Variants in SLC4A1 observed in about 807,000 individuals in gnomAD.
The protein encoded by SLC4A1 is band 3 anion transport protein.
Under a neutral mutation model 93.1 loss-of-function variants are expected in SLC4A1, and 29 were observed. The observed-to-expected ratio is 0.31, with a 90% CI of 0.23 to 0.42. The LOEUF is 0.42. SLC4A1 is among the 20% of genes least tolerant of loss of function. The pLI is 1.00. For missense variants in SLC4A1, 965 were observed against 1,190.1 expected (o/e 0.81, Z 2.78); for synonymous variants, 469 against 497.2 (o/e 0.94, Z 0.76).
chr17:44,255,654 G>T lies in SLC4A1; in HGVS notation c.1800+19C>A. 2 of 1,612,440 alleles carry T rather than the reference G, an allele frequency of 1.2e-6. No individual in the cohort carries two copies. Among genetic ancestry groups the T allele is most frequent in the Non-Finnish European group, 1.7e-6 (2 of 1,179,258 alleles). On this transcript the variant is annotated intron_variant, in intron 14 of 19. Coordinates refer to ENST00000262418, the MANE Select transcript of SLC4A1 (RefSeq NM_000342.4). ...GATAGGGCAGTGTTGGCAAGGACAG[G>T]CGAGGAGGGTATGCTGACCTTGCCA... is the stretch of plus-strand genomic sequence containing the variant.
chr17:44,259,525 C>T lies in SLC4A1; in HGVS notation c.666G>A (p.Pro222=), dbSNP rs373230727. The T allele has an allele frequency of 4.2e-5, 67 of 1,613,952 alleles. No individual in the cohort carries two copies. The highest frequency in any genetic ancestry group is 1.6e-4 in the Middle Eastern group (1 of 6,084). The change falls in exon 8 of 20, where the codon CCG becomes CCA. Residue 222 remains proline (P), a synonymous_variant. Coordinates refer to ENST00000262418, the MANE Select transcript of SLC4A1 (RefSeq NM_000342.4). The part of the protein sequence containing the change: ...SPSGILEKIP[P]DSEATLVLVG... Reference sequence around the variant, plus strand: ...CTAGCACCAACGTGGCCTCTGAATCCGGGGGAATCTTTTCCAGAATTCCAG... The same window carrying T: ...CTAGCACCAACGTGGCCTCTGAATCTGGGGGAATCTTTTCCAGAATTCCAG...
Position 44,257,503 on chromosome 17 carries a change from C to T in SLC4A1, c.1473G>A (p.Val491=), listed in dbSNP as rs1567832025. The change falls in exon 13 of 20, where the codon GTG becomes GTA. Residue 491 remains valine (V), a synonymous_variant. Transcript: ENST00000262418. ...TNGLEYIVGR[V]WIGFWLILLV... ...GCAGGATGAGCCAGAAGCCGATCCA[C>T]ACGCGGCCCACGATGTACTCTAGAC... The T allele has an allele frequency of 6.2e-7, 1 of 1,614,112 alleles. No homozygotes were observed. Among genetic ancestry groups the T allele is most frequent in the Middle Eastern group, 1.6e-4 (1 of 6,062 alleles).
At chr17:44,262,257 CTT>C (rs1450950422) in intron 3 of SLC4A1, among the ~76,000 whole-genome samples, 1 of 152,152 alleles carries the variant, frequency 6.6e-6, no homozygotes, top group African/African-American at 2.4e-5. Context: ...TTCCTGGTGT[CTT>C]TCTATCTAGG....
At chr17:44,263,824 C>T (rs538904066) in intron 1 of SLC4A1, among the ~76,000 whole-genome samples, 1 of 150,660 alleles carries the variant, frequency 6.6e-6, no homozygotes, top group East Asian at 1.9e-4. Context: ...GCTTAGAGTG[C>T]AGTGGCATGA....
intron 16 of SLC4A1, 39 bp downstream of exon 16, chr17:44,254,457 T>TACCCC: frequency 8.6e-6 from 11 of 1,282,728 alleles, no homozygotes; most frequent in East Asian, 2.5e-5. Context: ...GGTCCCTGCC[T>TACCCC]CCCACCCTCC....
intron 16 of SLC4A1, 53 bp from the exon 17 acceptor site, chr17:44,253,424 C>T: frequency 6.4e-7 from 1 of 1,574,610 alleles, no homozygotes; most frequent in South Asian, 1.1e-5. Context: ...CCTCCTCCAC[C>T]CCCTCCTTCC....
intron 1 of SLC4A1, among the ~76,000 whole-genome samples, chr17:44,265,022 TGAGCACTGGGGGCTGTGGGAGGGGGTGCC>T (rs1567837653): frequency 2.1e-5 from 2 of 96,002 alleles, no homozygotes; most frequent in East Asian, 3.2e-4. Flanking sequence ...GAGGGGGTGC[TGAGCACTGGGGGCTGTGGGAGGGGGTGCC>T]GAGCACTGGG....
In SLC4A1 at chr17:44,254,634, A is replaced by G; in HGVS notation, c.1919T>C (p.Val640Ala). ...QKLSVPDGFK[V>A]SNSSARGWVI... is the part of the protein sequence containing the mutation. ...CCAGCCCCGGGCTGAGGAGTTGGAC[A>G]CCTTGAAGCCATCAGGCACCGAGAG... Residue 640 changes from valine (V) to alanine (A), a missense_variant, in exon 16 of 20, where the codon GTG becomes GCG. Physicochemically the swap from Val to Ala is moderately conservative, Grantham distance 64 (BLOSUM62 0). Coordinates refer to ENST00000262418, the MANE Select transcript of SLC4A1 (RefSeq NM_000342.4). 1 of 1,614,052 alleles carries G rather than the reference A, an allele frequency of 6.2e-7. No individual in the cohort carries two copies. Among genetic ancestry groups the G allele is most frequent in the South Asian group, 1.1e-5 (1 of 91,070 alleles).
intron 1 of SLC4A1, among the ~76,000 whole-genome samples, chr17:44,263,345 C>A (rs1328476693): frequency 6.6e-6 from 1 of 152,180 alleles, no homozygotes; most frequent in Non-Finnish European, 1.5e-5. Context: ...TAAACACATG[C>A]TCTTCTCTCA....
Position 44,249,578 on chromosome 17 carries a change from G to C in SLC4A1, c.*880C>G. ...AGTCCCCTCGGAGTCCACTGATTCC[G>C]GGGCCCTCAGTAAATGTTTGTGGAA... On this transcript the variant is annotated 3_prime_UTR_variant, in exon 20 of 20. Transcript: ENST00000262418. 5.8e-6 allele frequency: 1 copy of C among 173,238 alleles called. No homozygotes were observed. The highest frequency in any genetic ancestry group is 1.2e-5 in the Non-Finnish European group (1 of 84,776). The allele number at this position is 173,238 out of a possible 1,614,324, so 10.7% of individuals were successfully genotyped here.
Position 44,249,079 on chromosome 17 carries a change from C to G in SLC4A1, c.*1379G>C. On this transcript the variant is annotated 3_prime_UTR_variant, in exon 20 of 20. Coordinates refer to ENST00000262418, the MANE Select transcript of SLC4A1 (RefSeq NM_000342.4). ...GTTTCACCATGTTGGCCAGGCTGGTCTCAAACTCCTGACCTCAAATGATCC... is the reference window on the plus strand; with the variant it reads ...GTTTCACCATGTTGGCCAGGCTGGTGTCAAACTCCTGACCTCAAATGATCC... 4.9e-6 allele frequency: 2 copies of G among 407,656 alleles called. No individual in the cohort carries two copies. Among genetic ancestry groups the G allele is most frequent in the Non-Finnish European group, 9.7e-6 (2 of 206,628 alleles). The allele number at this position is 407,656 out of a possible 1,614,324, so 25.3% of individuals were successfully genotyped here. A position where few individuals can be genotyped will look rare whatever the true frequency, so the allele number is the denominator to read the frequency against.
Position 44,260,718 on chromosome 17 carries a change from C to T in SLC4A1, c.266G>A (p.Gly89Glu). ...ARWVQLEENL[G>E]ENGAWGRPHL... is the part of the protein sequence containing the mutation. ...CGGGCGGCCCCAGGCCCCATTCTCC[C>T]CCAGGTTCTCCTCCAGTTGCACCCA... The change falls in exon 5 of 20, where the codon GGG becomes GAG. Residue 89 changes from glycine to glutamate, a missense_variant. This residue lies in a region of SLC4A1 where 195 missense variants were observed against 183.5 expected (regional missense o/e 1.06). Coordinates refer to ENST00000262418, the MANE Select transcript of SLC4A1 (RefSeq NM_000342.4). The T allele has an allele frequency of 1.2e-6, 2 of 1,614,178 alleles. No individual in the cohort carries two copies. The highest frequency in any genetic ancestry group is 1.7e-6 in the Non-Finnish European group (2 of 1,180,032).
At chr17:44,262,972 A>C in intron 1 of SLC4A1, 38 bp from the exon 2 acceptor site, 1 of 1,574,096 alleles carries the variant, frequency 6.4e-7, no homozygotes, top group Non-Finnish European at 8.7e-7. Context: ...GGCACAGGGC[A>C]TCCCAGGGTC....
At position 44,258,044 on chromosome 17, in the gene SLC4A1, G is replaced by A. The variant is rs142226515; in HGVS notation, c.1224C>T (p.Ala408=). ...GTGCAGCAAAGTAGATGAAGATGAC[G>A]GCAGCCAGGACCTGGGGGCTGAATG... The part of the protein sequence containing the change: ...TDAFSPQVLA[A]VIFIYFAALS... The change falls in exon 11 of 20, where the codon GCC becomes GCT. Residue 408 remains alanine (A), a synonymous_variant. Coordinates refer to ENST00000262418, the MANE Select transcript of SLC4A1 (RefSeq NM_000342.4). The surrounding 1 kb of genome is among the most constrained non-coding windows in gnomAD (Gnocchi z 6.1). 8.6e-5 allele frequency: 139 copies of A among 1,613,898 alleles called. No homozygotes were observed. Among genetic ancestry groups the A allele is most frequent in the Non-Finnish European group, 1.1e-4 (124 of 1,180,016 alleles).
intron 15 of SLC4A1, among the ~76,000 whole-genome samples, chr17:44,254,947 C>T (rs1213768099): frequency 6.6e-6 from 1 of 152,174 alleles, no homozygotes; most frequent in African/African-American, 2.4e-5. Flanking sequence ...CTAGATCTGC[C>T]TGGCTCCAAA....
chr17:44,262,523 G>GGCCC lies in SLC4A1; in HGVS notation c.106+109_106+112dup, dbSNP rs1369846268. 1.3e-5 allele frequency: 10 copies of GGCCC among 754,336 alleles called. No homozygotes were observed. The Admixed American group carries it at 1.9e-4, about 15-fold the overall frequency. 46.7% of individuals were successfully genotyped at this position (754,336 alleles called of 1,614,324 possible). On this transcript the variant is annotated intron_variant, in intron 3 of 19. Transcript: ENST00000262418. ...AATCAGCCAGAATTGAGGGGAGAAC[G>GGCCC]GCCCGTGGTGCTTGGGAGGAGGACT...
At position 44,259,929 on chromosome 17, in the gene SLC4A1, G is replaced by A. The variant is rs149933181; in HGVS notation, c.489C>T (p.His163=). ...CCCCCAGGGCCTCCAGCTCTCCAGC[G>A]TGGCTGCAGGACGTACAGGGGACAT... ...LLRALLLKHS[H]AGELEALGGV... The change falls in exon 7 of 20, where the codon CAC becomes CAT. Residue 163 remains histidine (H), a synonymous_variant. Coordinates refer to ENST00000262418, the MANE Select transcript of SLC4A1 (RefSeq NM_000342.4). 2.3e-5 allele frequency: 37 copies of A among 1,613,750 alleles called. No individual in the cohort carries two copies. Among genetic ancestry groups the A allele is most frequent in the Admixed American group, 5.0e-5 (3 of 59,998 alleles).
rs1003424006 is a variant in SLC4A1 at position 44,258,288 on chromosome 17, G to A, written c.1088-108C>T. ...TGTCTGATGGGAATGGGGCGGCGAA[G>A]AAGTCTGGAAGATGTGGGCAAAGGG... On this transcript the variant is annotated intron_variant, in intron 10 of 19. Coordinates refer to ENST00000262418, the MANE Select transcript of SLC4A1 (RefSeq NM_000342.4). The surrounding 1 kb of genome is among the most constrained non-coding windows in gnomAD (Gnocchi z 6.1). 4 of 1,418,876 alleles carry A rather than the reference G, an allele frequency of 2.8e-6. No individual in the cohort carries two copies. The highest frequency in any genetic ancestry group is 2.8e-5 in the African/African-American group (2 of 70,932). 87.9% of individuals were successfully genotyped at this position (1,418,876 alleles called of 1,614,324 possible).
chr17:44,265,858 G>A (rs1352721242), intron 1 of SLC4A1, among the ~76,000 whole-genome samples: 1 of 152,024 alleles, frequency 6.6e-6, no homozygotes, highest in Non-Finnish European at 1.5e-5. Flanking sequence ...GCGCATGCCT[G>A]TAATCCCAGC....
Sources: gnomAD v4.1 joint callset for allele counts (sites outside exome capture counted in the v4.1 genomes callset) on GRCh38, gnomAD v4.1.1 for gene constraint, gnomAD v4.1.1 regional missense constraint, Gnocchi (gnomAD v3.1) non-coding constraint, MANE v1.5 for transcripts, NCBI Gene and HGNC (gene_info 2026-07-23, HGNC 2026-07-21) for gene names.